Variants in MDFIC observed in about 807,000 individuals in gnomAD.
MDFIC encodes the protein myoD family inhibitor domain-containing protein.
Under a neutral mutation model 23.2 loss-of-function variants are expected in MDFIC, and 17 were observed. The ratio of observed to expected loss-of-function variants is 0.73; its 90% CI spans 0.50 to 1.10. MDFIC has a LOEUF of 1.10. Ranked by LOEUF, MDFIC falls within the 50% of genes least tolerant of loss-of-function variation. MDFIC has a pLI of 0.00. For missense variants in MDFIC, 356 were observed against 316.6 expected (o/e 1.12, Z -0.95); for synonymous variants, 120 against 115.2 (o/e 1.04, Z -0.27).
chr7:114,933,652 C>A (rs1479769350), intron 2 of MDFIC, among the ~76,000 whole-genome samples: 2 of 152,132 alleles, frequency 1.3e-5, no homozygotes, highest in Non-Finnish European at 2.9e-5. Context: ...CAACCTCTTT[C>A]ATGATAGTTT....
intron 3 of MDFIC, among the ~76,000 whole-genome samples, chr7:114,972,627 C>CT (rs1184793940): frequency 6.6e-6 from 1 of 151,948 alleles, no homozygotes; most frequent in Non-Finnish European, 1.5e-5. Flanking sequence ...CTTTTTCTCT[C>CT]TTTTTTTTCT....
At chr7:114,977,979 T>A (rs1307796195) in intron 3 of MDFIC, among the ~76,000 whole-genome samples, 1 of 148,170 alleles carries the variant, frequency 6.7e-6, no homozygotes, top group Non-Finnish European at 1.5e-5. Flanking sequence ...TATTAGATTA[T>A]ATTGATATAA....
chr7:114,944,053 G>A (rs1792600158), intron 3 of MDFIC, among the ~76,000 whole-genome samples: 1 of 152,106 alleles, frequency 6.6e-6, no homozygotes, highest in African/African-American at 2.4e-5. Flanking sequence ...TAAAAAGAAT[G>A]AATTAAAATG....
At position 114,923,031 on chromosome 7, in the gene MDFIC, C is replaced by T; in HGVS notation, c.-3C>T. Reference sequence around the variant, plus strand: ...GCGCGGCGCGGGCTCGGCGGAGCGGCCCATGTCCGGCGCGGGCGAAGCCCT... The same window carrying T: ...GCGCGGCGCGGGCTCGGCGGAGCGGTCCATGTCCGGCGCGGGCGAAGCCCT... On this transcript the variant is annotated 5_prime_UTR_variant, in exon 2 of 5. Coordinates refer to ENST00000393486, the MANE Select transcript of MDFIC (RefSeq NM_001166345.3). 1.0e-5 allele frequency: 14 copies of T among 1,387,082 alleles called. 1 individual carries two copies. The highest frequency in any genetic ancestry group is 1.5e-5 in the African/African-American group (1 of 64,770). 85.9% of individuals were successfully genotyped at this position (1,387,082 alleles called of 1,614,324 possible).
intron 3 of MDFIC, among the ~76,000 whole-genome samples, chr7:114,964,566 C>T (rs1285655470): frequency 6.6e-6 from 1 of 150,824 alleles, no homozygotes; most frequent in African/African-American, 2.4e-5. Flanking sequence ...CTTCCCTCCC[C>T]TTCCGACAGA....
intron 3 of MDFIC, among the ~76,000 whole-genome samples, chr7:114,964,770 C>T (rs970751425): frequency 6.6e-6 from 1 of 152,032 alleles, no homozygotes; most frequent in Admixed American, 6.5e-5. Flanking sequence ...AGGCTGGTCT[C>T]GAACTCGTGA....
chr7:114,939,803 G>A (rs887740661), intron 2 of MDFIC, among the ~76,000 whole-genome samples: 1 of 152,108 alleles, frequency 6.6e-6, no homozygotes, highest in Non-Finnish European at 1.5e-5. Flanking sequence ...TAATTTTAAT[G>A]GAATTAAATT....
At chr7:114,955,283 T>G (rs1340116565) in intron 3 of MDFIC, among the ~76,000 whole-genome samples, 1 of 152,214 alleles carries the variant, frequency 6.6e-6, no homozygotes. Context: ...CTACTTCCTT[T>G]CATGAACTTT....
chr7:114,983,388 C>G (rs1165513620), intron 4 of MDFIC, among the ~76,000 whole-genome samples: 1 of 151,892 alleles, frequency 6.6e-6, no homozygotes, highest in Non-Finnish European at 1.5e-5. Flanking sequence ...ACTCTAAGGG[C>G]GTCTTTTCTA....
chr7:114,962,195 G>A (rs1793007291), intron 3 of MDFIC, among the ~76,000 whole-genome samples: 1 of 152,136 alleles, frequency 6.6e-6, no homozygotes, highest in South Asian at 2.1e-4. Context: ...AGAGATCAGT[G>A]TGTTCAACCT....
At chr7:114,931,755 C>G (rs1792312192) in intron 2 of MDFIC, among the ~76,000 whole-genome samples, 1 of 152,268 alleles carries the variant, frequency 6.6e-6, no homozygotes, top group Admixed American at 6.5e-5. Flanking sequence ...TCAGTTTTGT[C>G]TAAGTTGGAC....
At chr7:114,977,728 G>C (rs1793344000) in intron 3 of MDFIC, among the ~76,000 whole-genome samples, 1 of 151,726 alleles carries the variant, frequency 6.6e-6, no homozygotes. Flanking sequence ...ATTTGTTTGT[G>C]CTTATGCTAT....
At chr7:114,955,070 C>T (rs960328602) in intron 3 of MDFIC, among the ~76,000 whole-genome samples, 1 of 151,996 alleles carries the variant, frequency 6.6e-6, no homozygotes, top group East Asian at 1.9e-4. Context: ...TCTACAATGG[C>T]TTTTCCTATT....
chr7:114,937,671 T>G (rs544425371), intron 2 of MDFIC, among the ~76,000 whole-genome samples: 1 of 152,276 alleles, frequency 6.6e-6, no homozygotes, highest in East Asian at 1.9e-4. Flanking sequence ...GTTGCTTGAT[T>G]GTTTATGTGT....
chr7:114,978,759 T>C (rs1793364470), intron 3 of MDFIC, among the ~76,000 whole-genome samples: 1 of 152,124 alleles, frequency 6.6e-6, no homozygotes, highest in Admixed American at 6.6e-5. Context: ...CATTCCTGTC[T>C]AGAAGTCAGA....
intron 4 of MDFIC, 103 bp downstream of exon 4, chr7:114,979,884 T>C: frequency 7.2e-7 from 1 of 1,382,094 alleles, no homozygotes; most frequent in Non-Finnish European, 1.0e-6. Context: ...TTGCTTATCC[T>C]TCAGACAAAC....
intron 4 of MDFIC, among the ~76,000 whole-genome samples, chr7:115,008,760 T>G (rs183793672): frequency 2.6e-4 from 40 of 152,320 alleles, no homozygotes; most frequent in African/African-American, 9.4e-4. Flanking sequence ...AGAGGCTAGA[T>G]GCTCACTTAG....
Position 114,970,163 on chromosome 7 carries a change from G to T in MDFIC, c.218-9343G>T, listed in dbSNP as rs541530506. The stretch of plus-strand genomic sequence containing the variant: ...CTGTCCCAGTGGATTTGTTACTGAA[G>T]GATTATCTGTTAAGAAGATTCCCCT... On this transcript the variant is annotated intron_variant, in intron 3 of 4. Coordinates refer to ENST00000393486, the MANE Select transcript of MDFIC (RefSeq NM_001166345.3). 2.6e-5 allele frequency among the ~76,000 whole-genome samples: 4 copies of T among 152,278 alleles called. No individual in the cohort carries two copies. The East Asian group carries it at 7.7e-4, about 29-fold the overall frequency.
At chr7:114,927,909 A>T (rs796899157) in intron 2 of MDFIC, among the ~76,000 whole-genome samples, 26 of 152,372 alleles carry the variant, frequency 1.7e-4, no homozygotes, top group African/African-American at 5.8e-4. Flanking sequence ...AAATACAAAT[A>T]ACCAAGAATA....
Sources: allele counts gnomAD v4.1 joint callset (sites outside exome capture counted in the v4.1 genomes callset), GRCh38; gene constraint gnomAD v4.1.1; transcripts MANE v1.5; gene names NCBI Gene and HGNC (gene_info 2026-07-23, HGNC 2026-07-21).